The following SORCS1 variants were observed in gnomAD, a reference collection of about 807,000 sequenced individuals.
SORCS1 encodes VPS10 domain-containing receptor SorCS1.
SORCS1 carries 60 observed loss-of-function variants against 146.1 expected under a neutral mutation model. The ratio of observed to expected loss-of-function variants is 0.41; its 90% CI spans 0.33 to 0.51. The LOEUF (loss-of-function observed/expected upper bound fraction) is 0.51, where lower values mean the gene tolerates loss of function less well. Among genes scored for constraint, SORCS1 ranks in the 20% least tolerant of loss-of-function variants. The pLI, the probability that SORCS1 is intolerant of heterozygous loss-of-function variation, is 0.21. For missense variants in SORCS1, 1,352 were observed against 1,487.6 expected, an observed-to-expected ratio of 0.91 and a Z score of 1.50; for synonymous variants, 637 against 584.0, an observed-to-expected ratio of 1.09 and a Z score of -1.31.
chr10:107,008,665 G>T (rs567581935), intron 1 of SORCS1, among the ~76,000 whole-genome samples: 2 of 152,152 alleles, frequency 1.3e-5, no homozygotes, highest in Non-Finnish European at 2.9e-5. Flanking sequence ...TTAAGTCTGG[G>T]TTATATGAGA....
intron 1 of SORCS1, among the ~76,000 whole-genome samples, chr10:107,089,311 T>C (rs1176633873): frequency 6.6e-6 from 1 of 152,200 alleles, no homozygotes. Context: ...AAACTGTTTA[T>C]GGGGTAAACA....
intron 1 of SORCS1, among the ~76,000 whole-genome samples, chr10:107,147,299 T>C (rs1382126796): frequency 6.6e-6 from 1 of 152,200 alleles, no homozygotes; most frequent in Non-Finnish European, 1.5e-5. Context: ...TGGTTCTCAG[T>C]TCAGCTCCTT....
At chr10:107,061,825 C>T (rs544814495) in intron 1 of SORCS1, among the ~76,000 whole-genome samples, 1 of 152,244 alleles carries the variant, frequency 6.6e-6, no homozygotes, top group African/African-American at 2.4e-5. Context: ...TCATTAAAAA[C>T]TGCAAATATG....
At chr10:106,694,219 TCTC>T (rs1456738827) in intron 9 of SORCS1, among the ~76,000 whole-genome samples, 1 of 152,156 alleles carries the variant, frequency 6.6e-6, no homozygotes, top group African/African-American at 2.4e-5. Context: ...CAAACAGCAC[TCTC>T]CTCCTCTAGA....
chr10:106,982,573 C>T (rs1451381597), intron 1 of SORCS1, among the ~76,000 whole-genome samples: 5 of 152,144 alleles, frequency 3.3e-5, no homozygotes, highest in Admixed American at 6.6e-5. Context: ...GAAATCTATT[C>T]GAACTCAACA....
At chr10:106,977,374 T>C (rs547824927) in intron 1 of SORCS1, among the ~76,000 whole-genome samples, 3 of 152,278 alleles carry the variant, frequency 2.0e-5, no homozygotes, top group South Asian at 2.1e-4. Flanking sequence ...CACTTTTTGA[T>C]GGGGTTGTTT....
At chr10:106,768,872 A>G (rs1859774483) in intron 4 of SORCS1, among the ~76,000 whole-genome samples, 2 of 152,202 alleles carry the variant, frequency 1.3e-5, no homozygotes, top group Admixed American at 6.5e-5. Context: ...CATATTTTGC[A>G]TGCGTTATCT....
intron 1 of SORCS1, among the ~76,000 whole-genome samples, chr10:107,005,715 A>T (rs1957413548): frequency 6.6e-6 from 1 of 152,098 alleles, no homozygotes; most frequent in Non-Finnish European, 1.5e-5. Context: ...TGTTGTAATC[A>T]TGGGGAAATT....
At chr10:107,067,501 G>A (rs1296135346) in intron 1 of SORCS1, among the ~76,000 whole-genome samples, 1 of 152,098 alleles carries the variant, frequency 6.6e-6, no homozygotes, top group Non-Finnish European at 1.5e-5. Flanking sequence ...TGTAATTGGT[G>A]TAATTTTTGT....
intron 1 of SORCS1, among the ~76,000 whole-genome samples, chr10:107,087,156 G>T (rs2134279712): frequency 6.6e-6 from 1 of 152,218 alleles, no homozygotes; most frequent in Non-Finnish European, 1.5e-5. Context: ...TCCGTCTTGG[G>T]GTTGTCTTTG....
intron 3 of SORCS1, among the ~76,000 whole-genome samples, chr10:106,820,344 C>A (rs1342759758): frequency 6.6e-6 from 1 of 152,134 alleles, no homozygotes; most frequent in Non-Finnish European, 1.5e-5. Flanking sequence ...TTTTGTTCTG[C>A]AAAACCTAAT....
At chr10:106,989,414 T>G (rs1415153201) in intron 1 of SORCS1, among the ~76,000 whole-genome samples, 1 of 151,796 alleles carries the variant, frequency 6.6e-6, no homozygotes, top group Admixed American at 6.6e-5. Context: ...AACTTAACTC[T>G]CACTCCTTTT....
chr10:107,153,346 G>A lies in SORCS1; in HGVS notation c.558+10623C>T, dbSNP rs564883551. Among the ~76,000 whole-genome samples the A allele has an allele frequency of 2.6e-3, 401 of 152,204 alleles. 6 individuals are homozygous for A. Among genetic ancestry groups the A allele is most frequent in the African/African-American group, 8.9e-3 (368 of 41,528 alleles). ...GCTGTGAATGTATACAGACATATAA[G>A]AGCGCACATATTTATTATGTATATA... On this transcript the variant is annotated intron_variant, in intron 1 of 25. Transcript: ENST00000263054.
At chr10:107,032,954 C>T (rs1046640892) in intron 1 of SORCS1, among the ~76,000 whole-genome samples, 2 of 152,256 alleles carry the variant, frequency 1.3e-5, no homozygotes, top group Middle Eastern at 3.4e-3. Context: ...GTACAACGAG[C>T]TCACCATCTT....
intron 5 of SORCS1, among the ~76,000 whole-genome samples, chr10:106,736,950 C>T (rs1660303412): frequency 1.3e-5 from 2 of 152,126 alleles, no homozygotes; most frequent in African/African-American, 4.8e-5. Flanking sequence ...TTGCCAGCAA[C>T]CTGAGGCCCT....
chr10:106,750,807 C>T (rs1230663042), intron 5 of SORCS1, among the ~76,000 whole-genome samples: 1 of 130,128 alleles, frequency 7.7e-6, no homozygotes, highest in South Asian at 2.6e-4. Flanking sequence ...TGCCTGTAAT[C>T]CCAGCACTTT....
chr10:106,764,297 A>C (rs1260948957), intron 4 of SORCS1, among the ~76,000 whole-genome samples: 2 of 152,194 alleles, frequency 1.3e-5, no homozygotes, highest in Non-Finnish European at 2.9e-5. Context: ...ATACCGACCA[A>C]AAAGAAAACA....
intron 23 of SORCS1, among the ~76,000 whole-genome samples, chr10:106,606,711 T>A (rs1048676289): frequency 1.3e-5 from 2 of 152,192 alleles, no homozygotes; most frequent in Non-Finnish European, 2.9e-5. Context: ...GCAGTTCCCA[T>A]AATCCCCACT....
At chr10:107,173,348 G>A in the SORCS1 span, among the ~76,000 whole-genome samples, 2 of 152,070 alleles carry the variant, frequency 1.3e-5, no homozygotes, top group African/African-American at 2.4e-5. Context: ...TTATATACTG[G>A]AAATGTGCTA....
Sources: gnomAD v4.1 joint callset for allele counts (sites outside exome capture counted in the v4.1 genomes callset) on GRCh38, gnomAD v4.1.1 for gene constraint, MANE v1.5 for transcripts, NCBI Gene and HGNC (gene_info 2026-07-23, HGNC 2026-07-21) for gene names.